PLEKHA8: variants seen among roughly 807,000 people sequenced by gnomAD.
The protein encoded by PLEKHA8 is pleckstrin homology domain-containing family A member 8.
Under a neutral mutation model 68.2 loss-of-function variants are expected in PLEKHA8, and 36 were observed. The ratio of observed to expected loss-of-function variants is 0.53; its 90% CI spans 0.40 to 0.70. The LOEUF is 0.70. Ranked by LOEUF, PLEKHA8 falls within the 30% of genes least tolerant of loss-of-function variation. The probability of loss-of-function intolerance (pLI) is 0.00; values close to 1 mark genes in which losing one functional copy is unlikely to be tolerated. For missense variants in PLEKHA8, 505 were observed against 615.4 expected (o/e 0.82, Z 1.90); for synonymous variants, 211 against 216.1 (o/e 0.98, Z 0.20).
chr7:30,109,915 A>G (rs1434360495), intron 13 of PLEKHA8, among the ~76,000 whole-genome samples: 2 of 151,860 alleles, frequency 1.3e-5, no homozygotes, highest in African/African-American at 4.8e-5. Flanking sequence ...AATTATTCAC[A>G]TTTCACCAGT....
In PLEKHA8 at chr7:30,083,922, T is replaced by TA; in HGVS notation, c.*5136dup. ...GTATGCGTGTCTGTTTATAGGTGTA[T>TA]ATGGAGTCAGTGTTGATAGGAAGGA... On this transcript the variant is annotated 3_prime_UTR_variant, in exon 14 of 14. Transcript: ENST00000449726. 1 of 985,498 alleles carries TA rather than the reference T, an allele frequency of 1.0e-6. No homozygotes were observed. Among genetic ancestry groups the TA allele is most frequent in the Non-Finnish European group, 1.2e-6 (1 of 829,916 alleles). 61.0% of individuals were successfully genotyped at this position (985,498 alleles called of 1,614,324 possible). A position where few individuals can be genotyped will look rare whatever the true frequency, so the allele number is the denominator to read the frequency against.
chr7:30,041,899 G>GT (rs1254156547), intron 1 of PLEKHA8, among the ~76,000 whole-genome samples: 2 of 152,068 alleles, frequency 1.3e-5, no homozygotes, highest in African/African-American at 4.8e-5. Flanking sequence ...AATTGGTAGA[G>GT]TTTTTTTCTT....
At chr7:30,070,564 G>A (rs1056399254) in intron 12 of PLEKHA8, among the ~76,000 whole-genome samples, 1 of 78,040 alleles carries the variant, frequency 1.3e-5, no homozygotes, top group East Asian at 3.7e-4. Context: ...TTTTTTTTTT[G>A]AGACAGAGTT....
At chr7:30,055,199 G>A in intron 8 of PLEKHA8, 58 bp from the exon 9 acceptor site, 8 of 1,467,680 alleles carry the variant, frequency 5.5e-6, no homozygotes, top group Non-Finnish European at 6.7e-6. Context: ...CCTCTGAATT[G>A]CAGAGTGCTG....
downstream of PLEKHA8, among the ~76,000 whole-genome samples, chr7:30,087,134 GT>G (rs1795215362): frequency 6.6e-6 from 1 of 152,178 alleles, no homozygotes; most frequent in South Asian, 2.1e-4. Flanking sequence ...TGTTGGAAAG[GT>G]TTTTAGATAT....
chr7:30,038,263 A>G (rs1365097146), intron 1 of PLEKHA8, among the ~76,000 whole-genome samples: 3 of 152,140 alleles, frequency 2.0e-5, no homozygotes, highest in Non-Finnish European at 4.4e-5. Flanking sequence ...CACATGGAAC[A>G]TTCACCAAGA....
chr7:30,125,240 C>G (rs1796753684), intron 13 of PLEKHA8, among the ~76,000 whole-genome samples: 2 of 152,086 alleles, frequency 1.3e-5, no homozygotes, highest in Non-Finnish European at 2.9e-5. Context: ...TTAGTCTTCC[C>G]TAGGTTAGAT....
At position 30,028,811 on chromosome 7, in the gene PLEKHA8, C is replaced by A; in HGVS notation, c.40+9C>A. Reference sequence around the variant, plus strand: ...GACCAACTATCTGAGCGGTGAGTGGCCGTGCCGGGCCGGGGGCGCGCCGGG... The same window carrying A: ...GACCAACTATCTGAGCGGTGAGTGGACGTGCCGGGCCGGGGGCGCGCCGGG... On this transcript the variant is annotated intron_variant, in intron 1 of 13. Coordinates refer to ENST00000449726, the MANE Select transcript of PLEKHA8 (RefSeq NM_001197026.2). The A allele has an allele frequency of 7.9e-7, 1 of 1,264,784 alleles. No individual in the cohort carries two copies. Among genetic ancestry groups the A allele is most frequent in the Non-Finnish European group, 1.0e-6 (1 of 999,546 alleles). The allele number at this position is 1,264,784 out of a possible 1,614,324, so 78.3% of individuals were successfully genotyped here.
At chr7:30,034,482 T>C (rs1214140041) in intron 1 of PLEKHA8, among the ~76,000 whole-genome samples, 1 of 152,210 alleles carries the variant, frequency 6.6e-6, no homozygotes, top group Non-Finnish European at 1.5e-5. Context: ...AAAAGCCTTA[T>C]GAATAACTTT....
At chr7:30,088,704 T>G (rs1452039297), downstream of PLEKHA8, among the ~76,000 whole-genome samples, 1 of 152,216 alleles carries the variant, frequency 6.6e-6, no homozygotes, top group East Asian at 1.9e-4. Flanking sequence ...CCAACCTTGT[T>G]TTTGTGTCTT....
At chr7:30,035,736 C>G (rs550714593) in intron 1 of PLEKHA8, among the ~76,000 whole-genome samples, 16 of 152,054 alleles carry the variant, frequency 1.1e-4, no homozygotes, top group Non-Finnish European at 2.2e-4. Context: ...CCTTCGCCTC[C>G]CGGGTTCAAG....
chr7:30,084,778 ATCC>A (rs1795108285), downstream of PLEKHA8: 6 of 422,222 alleles, frequency 1.4e-5, no homozygotes, highest in South Asian at 6.0e-4. Context: ...AGAACATTTC[ATCC>A]TCCTAATAAC....
chr7:30,032,806 T>C (rs1790765010), intron 1 of PLEKHA8, among the ~76,000 whole-genome samples: 1 of 152,242 alleles, frequency 6.6e-6, no homozygotes, highest in Non-Finnish European at 1.5e-5. Flanking sequence ...CTTTGTAGTT[T>C]TAGGTCCTTT....
intron 13 of PLEKHA8, among the ~76,000 whole-genome samples, chr7:30,077,990 A>G (rs1451345312): frequency 6.6e-6 from 1 of 152,186 alleles, no homozygotes; most frequent in Admixed American, 6.6e-5. Context: ...TATAAAATAG[A>G]GATATAAACT....
At chr7:30,120,172 A>G (rs556441758) in intron 13 of PLEKHA8, among the ~76,000 whole-genome samples, 1 of 141,290 alleles carries the variant, frequency 7.1e-6, no homozygotes, top group Admixed American at 6.8e-5. Context: ...AAAAAAAACA[A>G]AAAAAAAAAC....
chr7:30,127,875 T>C (rs1417948822), intron 13 of PLEKHA8, among the ~76,000 whole-genome samples: 1 of 152,236 alleles, frequency 6.6e-6, no homozygotes, highest in Non-Finnish European at 1.5e-5. Flanking sequence ...AATTCTCCTA[T>C]ATAGCATCTT....
At chr7:30,113,387 TA>T (rs1227752374) in intron 13 of PLEKHA8, among the ~76,000 whole-genome samples, 1 of 152,234 alleles carries the variant, frequency 6.6e-6, no homozygotes, top group African/African-American at 2.4e-5. Context: ...ATTTTGAAGA[TA>T]TTTTTTCTGT....
intron 4 of PLEKHA8, among the ~76,000 whole-genome samples, chr7:30,048,433 T>C (rs991515693): frequency 9.2e-5 from 14 of 152,264 alleles, no homozygotes; most frequent in Non-Finnish European, 1.6e-4. Flanking sequence ...TGTTTTACCA[T>C]CATAACTGTG....
exon 13 of PLEKHA8, chr7:30,090,408 G>GT: frequency 2.1e-6 from 1 of 482,366 alleles, no homozygotes; most frequent in Admixed American, 3.6e-5. Context: ...TCTTAAGCAG[G>GT]TAAGAACTCA....
Sources: gnomAD v4.1 joint callset for allele counts (sites outside exome capture counted in the v4.1 genomes callset) on GRCh38, gnomAD v4.1.1 for gene constraint, MANE v1.5 for transcripts, NCBI Gene and HGNC (gene_info 2026-07-23, HGNC 2026-07-21) for gene names.